C16orf96: variants seen among roughly 807,000 people sequenced by gnomAD.
C16orf96 encodes chromosome 16 open reading frame 96, also known as uncharacterized protein C16orf96.
Under a neutral mutation model 103.6 loss-of-function variants are expected in C16orf96, and 108 were observed. The ratio of observed to expected loss-of-function variants is 1.04; its 90% CI spans 0.89 to 1.22. The LOEUF (loss-of-function observed/expected upper bound fraction) is 1.22. Among genes scored for constraint, C16orf96 ranks in the 50% most tolerant of loss-of-function variants. The pLI, the probability that C16orf96 is intolerant of heterozygous loss-of-function variation, is 0.00. For missense variants in C16orf96, 1,586 were observed against 1,464.2 expected (o/e 1.08, Z -1.36); for synonymous variants, 566 against 593.5 (o/e 0.95, Z 0.67).
intron 7 of C16orf96, among the ~76,000 whole-genome samples, chr16:4,584,484 A>AC (rs1896871297): frequency 6.9e-6 from 1 of 145,130 alleles, no homozygotes; most frequent in Non-Finnish European, 1.5e-5. Context: ...AGCAGTTGGG[A>AC]CTACAGGCGT....
intron 9 of C16orf96, among the ~76,000 whole-genome samples, chr16:4,588,550 C>G (rs1219611793): frequency 6.6e-6 from 1 of 152,132 alleles, no homozygotes; most frequent in Non-Finnish European, 1.5e-5. Context: ...TGAGCCAATT[C>G]AAAGAGATTC....
At chr16:4,546,308 G>A in the C16orf96 span, among the ~76,000 whole-genome samples, 6 of 151,648 alleles carry the variant, frequency 4.0e-5, no homozygotes, top group Admixed American at 2.0e-4. Context: ...ACAGGCGCCC[G>A]CTACCGCGCC....
rs1224417713 is a variant in C16orf96 at position 4,575,913 on chromosome 16, C to A, written c.1433C>A (p.Ala478Asp). Residue 478 changes from alanine to aspartate, a missense_variant, in exon 5 of 16, where the codon GCC becomes GAC. Transcript: ENST00000444310. ...CGGGAGAGGGCCCGCAAGGATGGGG[C>A]CCCCAAGGATAGAACTCGCAAGGAT... ...GLRERARKDG[A>D]PKDRTRKDGV... The A allele has an allele frequency of 6.4e-7, 1 of 1,551,382 alleles. No homozygotes were observed. Among genetic ancestry groups the A allele is most frequent in the South Asian group, 1.2e-5 (1 of 84,052 alleles).
chr16:4,573,929 G>A (rs1218073629), intron 2 of C16orf96, among the ~76,000 whole-genome samples: 52 of 144,742 alleles, frequency 3.6e-4, no homozygotes, highest in Middle Eastern at 8.3e-3. Flanking sequence ...TGCCTCCCGG[G>A]TTCAAGTGAT....
intron 5 of C16orf96, 30 bp from the exon 6 acceptor site, chr16:4,578,910 C>T (rs2059547034): frequency 6.5e-7 from 1 of 1,537,296 alleles, no homozygotes; most frequent in Non-Finnish European, 8.8e-7. Flanking sequence ...CATCCGAGCC[C>T]TCAGCAGCCA....
At chr16:4,558,620 G>A (rs1479224282) in intron 1 of C16orf96, among the ~76,000 whole-genome samples, 1 of 151,098 alleles carries the variant, frequency 6.6e-6, no homozygotes, top group Non-Finnish European at 1.5e-5. Context: ...TCTAAAAATA[G>A]TAATAATAAT....
Position 4,588,320 on chromosome 16 carries a change from G to A in C16orf96, c.2581G>A (p.Val861Met), listed in dbSNP as rs1039206630. The stretch of plus-strand genomic sequence containing the variant: ...GGCTATGGAGGAGCTCAGCAAGGAC[G>A]TGAACACCAAGGTGAATGCCCCCAT... ...KKAMEELSKD[V>M]NTKLVHSDLD... The change falls in exon 9 of 16, where the codon GTG (valine) becomes ATG (methionine). Residue 861 changes from valine to methionine, a missense_variant. Transcript: ENST00000444310. 22 of 1,550,068 alleles carry A rather than the reference G, an allele frequency of 1.4e-5. No homozygotes were observed. Among genetic ancestry groups the A allele is most frequent in the Middle Eastern group, 1.7e-4 (1 of 6,008 alleles).
At position 4,562,941 on chromosome 16, in the gene C16orf96, A is replaced by T. The variant is rs1055001266; in HGVS notation, c.420+6032A>T. The T allele has an allele frequency of 3.6e-6, 5 of 1,399,684 alleles. No homozygotes were observed. In the African/African-American group the frequency reaches 7.1e-5, roughly 20 times the overall value. 86.7% of individuals were successfully genotyped at this position (1,399,684 alleles called of 1,614,324 possible). A position where few individuals can be genotyped will look rare whatever the true frequency, so the allele number is the denominator to read the frequency against. ...TTCAGGATCCATCCAATATTCTCCA[A>T]TATCAATTAGCACTTTGCCTTTAAA... On this transcript the variant is annotated intron_variant, in intron 1 of 15. Coordinates refer to ENST00000444310, the MANE Select transcript of C16orf96 (RefSeq NM_001145011.2).
At chr16:4,572,773 G>A (rs1361580477) in intron 2 of C16orf96, among the ~76,000 whole-genome samples, 2 of 152,126 alleles carry the variant, frequency 1.3e-5, no homozygotes, top group African/African-American at 4.8e-5. Context: ...TAATAGTGCA[G>A]GCATACATAC....
rs58065868 is a variant in C16orf96, at chr16:4,581,141, C to CATATATATATAT, written c.2352+1048_2352+1059dup. On this transcript the variant is annotated intron_variant, in intron 7 of 15. Coordinates refer to ENST00000444310, the MANE Select transcript of C16orf96 (RefSeq NM_001145011.2). Reference sequence around the variant, plus strand: ...CTCTGTCTAAAAATATATATGTATACATATATATATATATATATATATATA... The same window carrying CATATATATATAT: ...CTCTGTCTAAAAATATATATGTATACATATATATATATATATATATATATATATATATATATA... Among the ~76,000 whole-genome samples, 47 of 46,744 alleles carry CATATATATATAT rather than the reference C, an allele frequency of 1.0e-3. 2 individuals are homozygous for CATATATATATAT. Among genetic ancestry groups the CATATATATATAT allele is most frequent in the South Asian group, 4.9e-3 (4 of 822 alleles). 30.7% of individuals were successfully genotyped at this position (46,744 alleles called of 152,430 possible).
Position 4,599,315 on chromosome 16 carries a change from C to G in C16orf96, c.3159C>G (p.Ser1053Arg). ...AGGCTCCATCTCCCCCGTCACAAAG[C>G]CTGTATGACCGTGTGCACTCCAGTG... is the stretch of plus-strand genomic sequence containing the variant. ...AVKAPSPPSQ[S>R]LYDRVHSSAL... is the part of the protein sequence containing the mutation. The change falls in exon 15 of 16, where the codon AGC (serine) becomes AGG (arginine). Residue 1053 changes from serine to arginine, a missense_variant. Coordinates refer to ENST00000444310, the MANE Select transcript of C16orf96 (RefSeq NM_001145011.2). 6.4e-7 allele frequency: 1 copy of G among 1,551,658 alleles called. No individual in the cohort carries two copies.
At chr16:4,569,151 G>A (rs1375708252) in intron 1 of C16orf96, among the ~76,000 whole-genome samples, 1 of 151,518 alleles carries the variant, frequency 6.6e-6, no homozygotes, top group Non-Finnish European at 1.5e-5. Flanking sequence ...TATATTTTTG[G>A]TAGAGATGGG....
At chr16:4,594,661 C>T (rs1233505979) in intron 13 of C16orf96, 43 bp from the exon 14 acceptor site, 22 of 1,547,236 alleles carry the variant, frequency 1.4e-5, no homozygotes, top group Admixed American at 2.0e-5. Flanking sequence ...GGGGGCAGAT[C>T]GGGTCGGGGG....
intron 10 of C16orf96, 76 bp from the exon 11 acceptor site, chr16:4,592,229 G>C: frequency 6.5e-7 from 1 of 1,532,456 alleles, no homozygotes; most frequent in Non-Finnish European, 8.8e-7. Flanking sequence ...CAGCCCTGGG[G>C]CTCTGGCTGG....
chr16:4,552,415 G>T (rs1388034446), upstream of C16orf96, among the ~76,000 whole-genome samples: 2 of 150,868 alleles, frequency 1.3e-5, no homozygotes, highest in African/African-American at 4.9e-5. Context: ...CCAGGAGATG[G>T]AGGTTGCGGT....
Position 4,592,360 on chromosome 16 carries a change from A to T in C16orf96, c.2767A>T (p.Thr923Ser). 6.4e-7 allele frequency: 1 copy of T among 1,551,578 alleles called. No homozygotes were observed. The highest frequency in any genetic ancestry group is 1.2e-5 in the South Asian group (1 of 84,060). Residue 923 changes from threonine (T) to serine (S), a missense_variant, in exon 11 of 16, where the codon ACT becomes TCT. Coordinates refer to ENST00000444310, the MANE Select transcript of C16orf96 (RefSeq NM_001145011.2). ...CTGTGACCGGCCTGTGGAGATGATGACTGGCCCGTGAGTACCACCGCCCAG... is the reference window on the plus strand; with the variant it reads ...CTGTGACCGGCCTGTGGAGATGATGTCTGGCCCGTGAGTACCACCGCCCAG... ...ISCDRPVEMMTGPQLITIRKA... is the reference protein window; with the variant it reads ...ISCDRPVEMMSGPQLITIRKA...
intron 1 of C16orf96, among the ~76,000 whole-genome samples, chr16:4,566,874 A>G (rs1440497189): frequency 2.0e-5 from 3 of 151,776 alleles, no homozygotes; most frequent in African/African-American, 7.3e-5. Context: ...TTCATTTCTG[A>G]TTCTAATAAT....
intron 7 of C16orf96, 37 bp from the exon 8 acceptor site, chr16:4,587,002 T>G: frequency 6.5e-7 from 1 of 1,536,910 alleles, no homozygotes; most frequent in South Asian, 1.2e-5. Context: ...CTCAAGGCTC[T>G]CCAGGATGGC....
the C16orf96 span, among the ~76,000 whole-genome samples, chr16:4,539,928 A>G: frequency 2.6e-5 from 4 of 151,910 alleles, no homozygotes; most frequent in Admixed American, 6.6e-5. Context: ...CACCCCACCA[A>G]TCAGCACTCC....
Sources: gnomAD v4.1 joint callset for allele counts (sites outside exome capture counted in the v4.1 genomes callset) on GRCh38, gnomAD v4.1.1 for gene constraint, MANE v1.5 for transcripts, NCBI Gene and HGNC (gene_info 2026-07-23, HGNC 2026-07-21) for gene names.